PCGF3: variants seen among roughly 807,000 people sequenced by gnomAD.
The protein encoded by PCGF3 is polycomb group RING finger protein 3.
PCGF3 carries 7 observed loss-of-function variants against 33.1 expected under a neutral mutation model. The ratio of observed to expected loss-of-function variants is 0.21; its 90% CI spans 0.12 to 0.40. PCGF3 has a LOEUF of 0.40. Ranked by LOEUF, PCGF3 falls within the 10% of genes least tolerant of loss-of-function variation. The pLI is 1.00. For missense variants in PCGF3, 211 were observed against 313.3 expected (o/e 0.67, Z 2.46); for synonymous variants, 153 against 121.3 (o/e 1.26, Z -1.72).
chr4:722,409 G>A lies in PCGF3; in HGVS notation c.-189-8221G>A, dbSNP rs149692524. On this transcript the variant is annotated intron_variant, in intron 1 of 10. Coordinates refer to ENST00000362003, the Ensembl canonical transcript of PCGF3. Reference sequence around the variant, plus strand: ...GCTGCCCCAGGCAGCGGCGTGGCTGGCGTGCGGAGTGTTTTGGGGGTGTCT... The same window carrying A: ...GCTGCCCCAGGCAGCGGCGTGGCTGACGTGCGGAGTGTTTTGGGGGTGTCT... 1,225 of 204,086 alleles carry A rather than the reference G, an allele frequency of 6.0e-3. 20 individuals carry two copies. Among genetic ancestry groups the A allele is most frequent in the African/African-American group, 0.027 (1,137 of 41,792 alleles). 12.6% of individuals were successfully genotyped at this position (204,086 alleles called of 1,614,324 possible).
intron 8 of PCGF3, among the ~76,000 whole-genome samples, chr4:760,934 A>C (rs1745020731): frequency 6.6e-6 from 1 of 151,884 alleles, no homozygotes; most frequent in South Asian, 2.1e-4. Flanking sequence ...GGGGCCGCCC[A>C]CTCCCCTTTG....
chr4:738,910 G>A (rs1203278734), intron 6 of PCGF3, among the ~76,000 whole-genome samples: 3 of 152,050 alleles, frequency 2.0e-5, no homozygotes, highest in Non-Finnish European at 2.9e-5. Context: ...CAAACGCTTA[G>A]CAGTGGGCGG....
At chr4:752,930 A>AC (rs1458931999) in intron 8 of PCGF3, among the ~76,000 whole-genome samples, 1 of 152,234 alleles carries the variant, frequency 6.6e-6, no homozygotes, top group Non-Finnish European at 1.5e-5. Flanking sequence ...GCTCTTCTGA[A>AC]CACGTCCCTG....
In PCGF3 at chr4:755,239, C is replaced by G. The variant is rs1244572241; in HGVS notation, c.463-6040C>G. ...GGAGACTTTTAGGTGGTGACCAGCCCATCACTCTTCTAAGACATTGCACTT... is the reference window on the plus strand; with the variant it reads ...GGAGACTTTTAGGTGGTGACCAGCCGATCACTCTTCTAAGACATTGCACTT... On this transcript the variant is annotated intron_variant, in intron 8 of 10. Coordinates refer to ENST00000362003, the Ensembl canonical transcript of PCGF3. Among the ~76,000 whole-genome samples the G allele has an allele frequency of 3.3e-5, 5 of 152,306 alleles. No homozygotes were observed. In the East Asian group the frequency reaches 9.6e-4, roughly 29 times the overall value.
intron 1 of PCGF3, among the ~76,000 whole-genome samples, chr4:728,993 G>A (rs1477487395): frequency 1.3e-5 from 2 of 150,204 alleles, no homozygotes; most frequent in Non-Finnish European, 3.0e-5. Flanking sequence ...CCAGCTACTC[G>A]TGAGGCTGAG....
intron 8 of PCGF3, among the ~76,000 whole-genome samples, chr4:745,162 G>T (rs1354446511): frequency 2.5e-3 from 1 of 408 alleles, no homozygotes; most frequent in African/African-American, 0.01. Flanking sequence ...GGGGCCCGGG[G>T]TCGCTGCAGT....
Position 711,613 on chromosome 4 carries a change from G to A in PCGF3, c.-190+5643G>A, listed in dbSNP as rs1236866199. 4.1e-5 allele frequency among the ~76,000 whole-genome samples: 6 copies of A among 147,416 alleles called. No homozygotes were observed. The East Asian group carries it at 6.1e-4, about 15-fold the overall frequency. On this transcript the variant is annotated intron_variant, in intron 1 of 10. Coordinates refer to ENST00000362003, the Ensembl canonical transcript of PCGF3. ...GCTGGGACTACAGGCGCCCGCCACC[G>A]CGCCCGGCTAATTTTTTGTATTTTT...
intron 4 of PCGF3, 79 bp from the exon 5 acceptor site, chr4:734,852 C>A: frequency 1.3e-6 from 2 of 1,542,494 alleles, no homozygotes; most frequent in South Asian, 2.4e-5. Context: ...CAGAGACGCC[C>A]GTGTTCAGTG....
chr4:739,904 G>A (rs1027661002), intron 6 of PCGF3, among the ~76,000 whole-genome samples: 5 of 152,200 alleles, frequency 3.3e-5, no homozygotes, highest in South Asian at 2.1e-4. Context: ...GCCCCGAGCC[G>A]CCTCCCTGAC....
intron 3 of PCGF3, 24 bp downstream of exon 3, chr4:731,134 CG>C: frequency 2.5e-6 from 1 of 398,592 alleles, no homozygotes; most frequent in Non-Finnish European, 4.4e-6. Flanking sequence ...CCCCCGACCC[CG>C]GGGGTCCTGC....
chr4:753,967 G>A (rs548859879), intron 8 of PCGF3, among the ~76,000 whole-genome samples: 5 of 152,260 alleles, frequency 3.3e-5, no homozygotes, highest in East Asian at 3.9e-4. Flanking sequence ...CCCTTGGAGC[G>A]AGCAGCTGCC....
intron 8 of PCGF3, among the ~76,000 whole-genome samples, chr4:755,903 C>CT (rs1560215661): frequency 1.2e-4 from 14 of 120,550 alleles, no homozygotes; most frequent in African/African-American, 4.4e-4. Flanking sequence ...TCAGAATTGT[C>CT]CTTTTTTTTT....
chr4:732,246 C>G (rs1181662525), intron 3 of PCGF3, among the ~76,000 whole-genome samples: 2 of 149,692 alleles, frequency 1.3e-5, no homozygotes, highest in African/African-American at 4.9e-5. Context: ...TGGGGCTCCC[C>G]CTCCCCTCCC....
At chr4:754,029 G>T (rs1225136470) in intron 8 of PCGF3, among the ~76,000 whole-genome samples, 1 of 152,210 alleles carries the variant, frequency 6.6e-6, no homozygotes, top group African/African-American at 2.4e-5. Flanking sequence ...CTCCGTCTTT[G>T]GTGGTCCTGG....
intron 8 of PCGF3, among the ~76,000 whole-genome samples, chr4:751,411 G>C (rs1744506612): frequency 6.6e-6 from 1 of 152,104 alleles, no homozygotes; most frequent in Admixed American, 6.5e-5. Context: ...GCCGTTTCTG[G>C]TGTCTTCCTG....
At position 757,647 on chromosome 4, in the gene PCGF3, T is replaced by TA. The variant is rs1744826936; in HGVS notation, c.463-3631dup. ...AATCAAACTTTTTTAGCTGGCACGT[T>TA]ACCTTACACATTCCACGATTTTCCA... On this transcript the variant is annotated intron_variant, in intron 8 of 10. Coordinates refer to ENST00000362003, the Ensembl canonical transcript of PCGF3. 3 of 152,244 alleles carry TA rather than the reference T, an allele frequency of 2.0e-5. No individual in the cohort carries two copies. The South Asian group carries it at 6.2e-4, about 32-fold the overall frequency. 9.4% of individuals were successfully genotyped at this position (152,244 alleles called of 1,614,324 possible). A position where few individuals can be genotyped will look rare whatever the true frequency, so the allele number is the denominator to read the frequency against.
At chr4:741,450 C>T (rs1467436109) in intron 6 of PCGF3, among the ~76,000 whole-genome samples, 2 of 152,172 alleles carry the variant, frequency 1.3e-5, no homozygotes, top group African/African-American at 4.8e-5. Flanking sequence ...TCTTGTTGCC[C>T]AGGCTGAGTG....
chr4:708,686 C>T (rs1742438691), intron 1 of PCGF3, among the ~76,000 whole-genome samples: 1 of 152,194 alleles, frequency 6.6e-6, no homozygotes, highest in Admixed American at 6.5e-5. Context: ...GTGTCCAGCA[C>T]CTTCAACCCC....
rs1160889444 is a variant in PCGF3, at chr4:717,141, G to A, written c.-190+11171G>A. 5.4e-5 allele frequency among the ~76,000 whole-genome samples: 2 copies of A among 37,134 alleles called. 1 individual carries two copies. The highest frequency in any genetic ancestry group is 9.5e-5 in the Non-Finnish European group (2 of 21,120). The allele number at this position is 37,134 out of a possible 152,430, so 24.4% of individuals were successfully genotyped here. On this transcript the variant is annotated intron_variant, in intron 1 of 10. Coordinates refer to ENST00000362003, the Ensembl canonical transcript of PCGF3. ...ACACTGAATGTGAGAACTGAGCGTC[G>A]GTGCTGGGACCCTGTAGACACTGAA...
Sources: allele counts gnomAD v4.1 joint callset (sites outside exome capture counted in the v4.1 genomes callset), GRCh38; gene constraint gnomAD v4.1.1; transcripts MANE v1.5; gene names NCBI Gene and HGNC (gene_info 2026-07-23, HGNC 2026-07-21).